CACNB2: variants seen among roughly 807,000 people sequenced by gnomAD.
CACNB2 encodes the protein voltage-dependent L-type calcium channel subunit beta-2.
CACNB2 carries 42 observed loss-of-function variants against 73.3 expected under a neutral mutation model. The ratio of observed to expected loss-of-function variants is 0.57; its 90% CI spans 0.45 to 0.74. The LOEUF (loss-of-function observed/expected upper bound fraction) is 0.74, where lower values mean the gene tolerates loss of function less well. Among genes scored for constraint, CACNB2 ranks in the 30% least tolerant of loss-of-function variants. The pLI is 0.00. For synonymous variants in CACNB2, 348 were observed against 310.3 expected, an observed-to-expected ratio of 1.12 and a Z score of -1.28; for missense variants, 940 against 853.0, an observed-to-expected ratio of 1.10 and a Z score of -1.27.
At chr10:18,378,647 A>G (rs991195259) in intron 2 of CACNB2, among the ~76,000 whole-genome samples, 5 of 152,126 alleles carry the variant, frequency 3.3e-5, no homozygotes, top group Non-Finnish European at 5.9e-5. Context: ...GCTACTCGGG[A>G]GGCCGAGGTG....
intron 3 of CACNB2, among the ~76,000 whole-genome samples, chr10:18,462,500 C>G (rs1022398651): frequency 6.6e-6 from 1 of 151,986 alleles, no homozygotes; most frequent in Admixed American, 6.6e-5. Flanking sequence ...AGCTATCCTT[C>G]CACCTGGACC....
At position 18,150,928 on chromosome 10, in the gene CACNB2, G is replaced by A; in HGVS notation, c.166G>A (p.Asp56Asn). The A allele has an allele frequency of 6.8e-7, 1 of 1,470,096 alleles. No individual in the cohort carries two copies. Among genetic ancestry groups the A allele is most frequent in the South Asian group, 1.1e-5 (1 of 88,466 alleles). 91.1% of individuals were successfully genotyped at this position (1,470,096 alleles called of 1,614,324 possible). A position where few individuals can be genotyped will look rare whatever the true frequency, so the allele number is the denominator to read the frequency against. ...ARRKNRFKGS[D>N]GSTSSDTTSN... ...AAGGAAAAACAGATTTAAAGGATCT[G>A]ATGGAAGCACGTCATCTGATACTAC... is the stretch of plus-strand genomic sequence containing the variant. The change falls in exon 2 of 14, where the codon GAT becomes AAT. Residue 56 changes from aspartate to asparagine, a missense_variant. Physicochemically the swap from Asp to Asn is conservative, Grantham distance 23. Coordinates refer to ENST00000324631, the MANE Select transcript of CACNB2 (RefSeq NM_201596.3).
At chr10:18,437,450 G>T (rs1054814514) in intron 3 of CACNB2, among the ~76,000 whole-genome samples, 3 of 152,264 alleles carry the variant, frequency 2.0e-5, no homozygotes, top group African/African-American at 4.8e-5. Context: ...ATCATAAAAG[G>T]TTGGTTAACA....
chr10:18,539,572 G>C lies in CACNB2; in HGVS notation c.1831G>C (p.Asp611His). 1 of 1,613,830 alleles carries C rather than the reference G, an allele frequency of 6.2e-7. No homozygotes were observed. Among genetic ancestry groups the C allele is most frequent in the Non-Finnish European group, 8.5e-7 (1 of 1,179,982 alleles). Residue 611 changes from aspartate to histidine, a missense_variant, in exon 14 of 14, where the codon GAC (aspartate) becomes CAC (histidine). Coordinates refer to ENST00000324631, the MANE Select transcript of CACNB2 (RefSeq NM_201596.3). ...CAGGGAGTCCCGGCACCGTTCCCGG[G>C]ACGTGGATCGAGAGCAGGACCACAA... ...RHRESRHRSRDVDREQDHNEC... is the reference protein window; with the variant it reads ...RHRESRHRSRHVDREQDHNEC...
intron 2 of CACNB2, among the ~76,000 whole-genome samples, chr10:18,152,861 A>G (rs2031720702): frequency 6.6e-6 from 1 of 152,146 alleles, no homozygotes; most frequent in South Asian, 2.1e-4. Context: ...GACATAATGA[A>G]TAGAAACGAA....
intron 3 of CACNB2, among the ~76,000 whole-genome samples, chr10:18,453,720 C>G (rs375484514): frequency 1.3e-4 from 20 of 152,184 alleles, no homozygotes; most frequent in African/African-American, 4.3e-4. Context: ...ACCTCTGCCT[C>G]CCAGGTTCAA....
In CACNB2 at chr10:18,232,108, T is replaced by A. The variant is rs189388095; in HGVS notation, c.213+81133T>A. Among the ~76,000 whole-genome samples, 778 of 152,334 alleles carry A rather than the reference T, an allele frequency of 5.1e-3. 5 individuals carry two copies. The highest frequency in any genetic ancestry group is 6.9e-3 in the Non-Finnish European group (466 of 68,028). On this transcript the variant is annotated intron_variant, in intron 2 of 13. Coordinates refer to ENST00000324631, the MANE Select transcript of CACNB2 (RefSeq NM_201596.3). ...TTCTGAAGGTAACAATGATACATAC[T>A]TTCTGATTTGTTTTTCTTTTGGGGT...
chr10:18,188,485 TATAG>T (rs1405925476), intron 2 of CACNB2, among the ~76,000 whole-genome samples: 13 of 152,142 alleles, frequency 8.5e-5, no homozygotes, highest in Non-Finnish European at 1.6e-4. Flanking sequence ...GCTATTTTTT[TATAG>T]AGACAGGGTC....
chr10:18,318,030 G>T (rs555228716), intron 2 of CACNB2, among the ~76,000 whole-genome samples: 1 of 152,120 alleles, frequency 6.6e-6, no homozygotes, highest in African/African-American at 2.4e-5. Context: ...ATTCAATATC[G>T]TGAAAATGGC....
At chr10:18,502,727 G>A (rs942192339) in intron 5 of CACNB2, among the ~76,000 whole-genome samples, 8 of 121,492 alleles carry the variant, frequency 6.6e-5, no homozygotes, top group Non-Finnish European at 1.3e-4. Flanking sequence ...AAAAAAAACC[G>A]CATGTTTTTA....
chr10:18,535,961 G>C, intron 11 of CACNB2, 140 bp from the exon 12 acceptor site: 2 of 613,170 alleles, frequency 3.3e-6, no homozygotes, highest in Admixed American at 5.7e-5. Context: ...TGTTAATTTT[G>C]CAGATAATCT....
At chr10:18,389,735 C>A (rs2132438721) in intron 2 of CACNB2, among the ~76,000 whole-genome samples, 1 of 152,254 alleles carries the variant, frequency 6.6e-6, no homozygotes, top group South Asian at 2.1e-4. Flanking sequence ...TGCGTGAAAG[C>A]CAAAAACTAT....
intron 2 of CACNB2, among the ~76,000 whole-genome samples, chr10:18,152,723 AAAAAAAAAAC>A (rs1564298335): frequency 7.6e-6 from 1 of 131,508 alleles, no homozygotes; most frequent in Non-Finnish European, 1.6e-5. Context: ...AAAAAAAAAA[AAAAAAAAAAC>A]AAAAAACAAA....
intron 3 of CACNB2, among the ~76,000 whole-genome samples, chr10:18,409,766 A>G (rs1013280316): frequency 4.6e-5 from 7 of 151,448 alleles, no homozygotes; most frequent in Non-Finnish European, 8.8e-5. Flanking sequence ...CCCAGAGAGG[A>G]CTCCCCCAGT....
chr10:18,192,944 A>G (rs1410950297), intron 2 of CACNB2, among the ~76,000 whole-genome samples: 1 of 152,324 alleles, frequency 6.6e-6, no homozygotes. Flanking sequence ...TTGAGCTGCT[A>G]TGAACATTTA....
rs59881007 is a variant in CACNB2 at position 18,219,098 on chromosome 10, G to A, written c.213+68123G>A. 4.8e-3 allele frequency among the ~76,000 whole-genome samples: 729 copies of A among 152,266 alleles called. 10 individuals carry two copies. The East Asian group carries it at 0.061, about 13-fold the overall frequency. On this transcript the variant is annotated intron_variant, in intron 2 of 13. Coordinates refer to ENST00000324631, the MANE Select transcript of CACNB2 (RefSeq NM_201596.3). ...GAGGATTGCTTGAGCCTGGGAGGTC[G>A]AGGCTCCAGTGAACCATGATCATGC...
intron 3 of CACNB2, among the ~76,000 whole-genome samples, chr10:18,431,672 C>A (rs896970593): frequency 6.6e-6 from 1 of 152,180 alleles, no homozygotes; most frequent in South Asian, 2.1e-4. Context: ...GATGAAATTA[C>A]AGTCCACTCA....
At chr10:18,197,466 C>T (rs773533916) in intron 2 of CACNB2, among the ~76,000 whole-genome samples, 3 of 152,154 alleles carry the variant, frequency 2.0e-5, no homozygotes, top group African/African-American at 7.2e-5. Flanking sequence ...AGGCTTAATC[C>T]AAGCACCCCA....
At chr10:18,146,219 T>C (rs180815981) in intron 1 of CACNB2, among the ~76,000 whole-genome samples, 84 of 152,290 alleles carry the variant, frequency 5.5e-4, no homozygotes, top group Admixed American at 1.7e-3. Flanking sequence ...GTTTTGGCTT[T>C]GTTTGTTTTA....
Sources: allele counts gnomAD v4.1 joint callset (sites outside exome capture counted in the v4.1 genomes callset), GRCh38; gene constraint gnomAD v4.1.1; transcripts MANE v1.5; gene names NCBI Gene and HGNC (gene_info 2026-07-23, HGNC 2026-07-21).